AK8: variants seen among roughly 807,000 people sequenced by gnomAD.
The protein encoded by AK8 is adenylate kinase 8, also known as ATP-AMP transphosphorylase 8.
In AK8, 44 loss-of-function variants were observed where a neutral mutation model predicts 54.6. The observed-to-expected ratio is 0.81, with a 90% CI of 0.63 to 1.04. The LOEUF (loss-of-function observed/expected upper bound fraction) is 1.04, where lower values mean the gene tolerates loss of function less well. Among genes scored for constraint, AK8 ranks in the 50% least tolerant of loss-of-function variants. The pLI is 0.00. For synonymous variants in AK8, 239 were observed against 245.6 expected, an observed-to-expected ratio of 0.97 and a Z score of 0.25; for missense variants, 555 against 613.6, an observed-to-expected ratio of 0.90 and a Z score of 1.01.
chr9:132,820,157 A>G (rs2131279260), intron 9 of AK8, among the ~76,000 whole-genome samples: 1 of 151,466 alleles, frequency 6.6e-6, no homozygotes, highest in Non-Finnish European at 1.5e-5. Context: ...AAAAAAAAAA[A>G]AAAAAAGACA....
intron 11 of AK8, among the ~76,000 whole-genome samples, chr9:132,729,366 A>G (rs1410088628): frequency 6.6e-6 from 1 of 152,214 alleles, no homozygotes; most frequent in Non-Finnish European, 1.5e-5. Context: ...TGTCAAGTGC[A>G]TGGCTGAGGA....
At chr9:132,838,199 A>G (rs1842403095) in intron 5 of AK8, among the ~76,000 whole-genome samples, 1 of 152,186 alleles carries the variant, frequency 6.6e-6, no homozygotes, top group African/African-American at 2.4e-5. Flanking sequence ...CCACTATAAA[A>G]TACTGACTCA....
intron 11 of AK8, among the ~76,000 whole-genome samples, chr9:132,742,781 C>T (rs1837455190): frequency 6.6e-6 from 1 of 152,206 alleles, no homozygotes; most frequent in South Asian, 2.1e-4. Flanking sequence ...CCCACGTGGG[C>T]CCACACACCA....
At chr9:132,863,001 T>A (rs183617796) in intron 4 of AK8, among the ~76,000 whole-genome samples, 37 of 152,312 alleles carry the variant, frequency 2.4e-4, no homozygotes, top group Non-Finnish European at 1.6e-4. Context: ...ATATTTTGAG[T>A]TTCTATTTGT....
intron 11 of AK8, among the ~76,000 whole-genome samples, chr9:132,779,973 T>C (rs1038212161): frequency 1.3e-5 from 2 of 152,130 alleles, no homozygotes; most frequent in Admixed American, 6.6e-5. Flanking sequence ...TGGAATCACA[T>C]AGGAAACAAC....
chr9:132,728,157 C>T (rs1836662157), intron 11 of AK8, among the ~76,000 whole-genome samples: 1 of 152,234 alleles, frequency 6.6e-6, no homozygotes, highest in Non-Finnish European at 1.5e-5. Flanking sequence ...CATCATTTTC[C>T]ACATGTGGGT....
intron 11 of AK8, among the ~76,000 whole-genome samples, chr9:132,764,665 G>T (rs1168503415): frequency 6.6e-6 from 1 of 152,168 alleles, no homozygotes; most frequent in Non-Finnish European, 1.5e-5. Context: ...GATTGAATCA[G>T]TAATAAAAAG....
chr9:132,775,539 G>A (rs749860905), intron 11 of AK8, among the ~76,000 whole-genome samples: 2 of 152,152 alleles, frequency 1.3e-5, no homozygotes, highest in Non-Finnish European at 2.9e-5. Context: ...CTGACCTCAA[G>A]TGATCTGCCC....
intron 9 of AK8, among the ~76,000 whole-genome samples, chr9:132,820,823 A>G (rs1841562406): frequency 6.6e-6 from 1 of 152,226 alleles, no homozygotes; most frequent in Non-Finnish European, 1.5e-5. Context: ...GCCGCAGCGG[A>G]GCAGACAGCA....
chr9:132,878,739 G>A (rs1033629340), upstream of AK8: 34 of 986,596 alleles, frequency 3.4e-5, no homozygotes, highest in Non-Finnish European at 3.9e-5. This position sits in a 1 kb window ranked among gnomAD's most constrained non-coding sequence, Gnocchi z 4.7. Context: ...TCGAGGATCG[G>A]GTGGAAATCC....
intron 11 of AK8, among the ~76,000 whole-genome samples, chr9:132,774,670 G>A (rs1229223134): frequency 6.6e-6 from 1 of 152,136 alleles, no homozygotes; most frequent in East Asian, 1.9e-4. Context: ...TTAAGTGAAC[G>A]GTCGAGCATC....
intron 2 of AK8, among the ~76,000 whole-genome samples, chr9:132,867,872 G>A (rs1433969201): frequency 6.6e-6 from 1 of 152,254 alleles, no homozygotes; most frequent in Non-Finnish European, 1.5e-5. Context: ...GAAGAGGTGA[G>A]ACAGAGCTAG....
At chr9:132,794,437 C>A (rs997789661) in intron 10 of AK8, among the ~76,000 whole-genome samples, 1 of 152,170 alleles carries the variant, frequency 6.6e-6, no homozygotes, top group Admixed American at 6.5e-5. Context: ...CCTGGGCCAG[C>A]CTTCAAACTC....
At chr9:132,768,675 G>A (rs1590217975) in intron 11 of AK8, among the ~76,000 whole-genome samples, 6 of 152,302 alleles carry the variant, frequency 3.9e-5, no homozygotes, top group African/African-American at 9.6e-5. Flanking sequence ...ATATGTGTGT[G>A]TATATATATG....
At chr9:132,862,298 G>A (rs1843420441) in intron 4 of AK8, among the ~76,000 whole-genome samples, 1 of 151,810 alleles carries the variant, frequency 6.6e-6, no homozygotes, top group East Asian at 1.9e-4. Flanking sequence ...TTGGGGCTGG[G>A]GGTCTGTCGA....
intron 11 of AK8, among the ~76,000 whole-genome samples, chr9:132,752,208 T>C (rs1837961195): frequency 6.6e-6 from 1 of 151,862 alleles, no homozygotes; most frequent in Admixed American, 6.6e-5. Context: ...ACATTAGTTA[T>C]CTTTGGATAT....
chr9:132,745,016 A>G (rs1837574039), intron 11 of AK8, among the ~76,000 whole-genome samples: 1 of 152,158 alleles, frequency 6.6e-6, no homozygotes, highest in Non-Finnish European at 1.5e-5. Context: ...GACAGCTCAC[A>G]GATTGAGTTT....
In AK8 at chr9:132,860,291, T is replaced by C. The variant is rs1188345314; in HGVS notation, c.333+3374A>G. Among the ~76,000 whole-genome samples, 1 of 152,068 alleles carries C rather than the reference T, an allele frequency of 6.6e-6. No homozygotes were observed. The highest frequency in any genetic ancestry group is 1.5e-5 in the Non-Finnish European group (1 of 68,010). On this transcript the variant is annotated intron_variant, in intron 4 of 12. Transcript: ENST00000298545. This position sits in a 1 kb window ranked among gnomAD's most constrained non-coding sequence, Gnocchi z 4.4. Reference sequence around the variant, plus strand: ...TATAACTCTGGCTGGCCTGGTGGAATCCTCAGTGACACTTCTAGGTGTGAT... The same window carrying C: ...TATAACTCTGGCTGGCCTGGTGGAACCCTCAGTGACACTTCTAGGTGTGAT...
intron 2 of AK8, among the ~76,000 whole-genome samples, chr9:132,871,897 A>T (rs965002360): frequency 2.6e-5 from 4 of 152,270 alleles, no homozygotes; most frequent in Non-Finnish European, 4.4e-5. Flanking sequence ...GATGAAGTGG[A>T]TAGTTTGACA....
Sources: gnomAD v4.1 joint callset for allele counts (sites outside exome capture counted in the v4.1 genomes callset) on GRCh38, gnomAD v4.1.1 for gene constraint, Gnocchi (gnomAD v3.1) non-coding constraint, MANE v1.5 for transcripts, NCBI Gene and HGNC (gene_info 2026-07-23, HGNC 2026-07-21) for gene names.